TSHZ2: variants seen among roughly 807,000 people sequenced by gnomAD.
TSHZ2 encodes teashirt zinc finger homeobox 2, also known as teashirt homolog 2.
Under a neutral mutation model 74.4 loss-of-function variants are expected in TSHZ2, and 21 were observed. That is an observed-to-expected ratio of 0.28 (90% CI 0.20 to 0.41). The LOEUF is 0.41. Ranked by LOEUF, TSHZ2 falls within the 10% of genes least tolerant of loss-of-function variation. The pLI is 1.00. For synonymous variants in TSHZ2, 540 were observed against 515.3 expected, an observed-to-expected ratio of 1.05 and a Z score of -0.65; for missense variants, 1,244 against 1,293.5, an observed-to-expected ratio of 0.96 and a Z score of 0.59.
chr20:53,091,923 G>C (rs538430222), intron 1 of TSHZ2, among the ~76,000 whole-genome samples: 1 of 152,284 alleles, frequency 6.6e-6, no homozygotes, highest in African/African-American at 2.4e-5. Flanking sequence ...GTACCCGCCT[G>C]TTGTACCAGC....
At chr20:52,998,022 G>A (rs964760403) in intron 1 of TSHZ2, among the ~76,000 whole-genome samples, 2 of 152,094 alleles carry the variant, frequency 1.3e-5, no homozygotes, top group African/African-American at 4.8e-5. Context: ...AGGATGCTCA[G>A]GGGGGGATTC....
At chr20:53,468,117 G>GAGA (rs1437747411) in intron 2 of TSHZ2, among the ~76,000 whole-genome samples, 1 of 152,144 alleles carries the variant, frequency 6.6e-6, no homozygotes, top group Non-Finnish European at 1.5e-5. Flanking sequence ...GCATCATACT[G>GAGA]AGAAGAGATT....
At chr20:52,982,874 C>G (rs1421100652) in intron 1 of TSHZ2, among the ~76,000 whole-genome samples, 1 of 151,988 alleles carries the variant, frequency 6.6e-6, no homozygotes, top group East Asian at 1.9e-4. Context: ...GAGAAGCAGT[C>G]CAGGCAGAGG....
chr20:53,472,312 C>G (rs567903501), intron 2 of TSHZ2, among the ~76,000 whole-genome samples: 1 of 152,084 alleles, frequency 6.6e-6, no homozygotes, highest in Non-Finnish European at 1.5e-5. Flanking sequence ...AAATACAGTT[C>G]GGGAGGATTT....
At chr20:53,001,222 G>GTGTGTA (rs1982413548) in intron 1 of TSHZ2, among the ~76,000 whole-genome samples, 1 of 147,268 alleles carries the variant, frequency 6.8e-6, no homozygotes, top group Non-Finnish European at 1.5e-5. Context: ...GTGTGTGTGT[G>GTGTGTA]TGTGTGTGTG....
chr20:53,051,938 C>G (rs112026052), intron 1 of TSHZ2, among the ~76,000 whole-genome samples: 21 of 152,186 alleles, frequency 1.4e-4, no homozygotes, highest in African/African-American at 5.1e-4. Flanking sequence ...AGATAATATG[C>G]CCATTACCTT....
rs577502661 is a variant in TSHZ2, at chr20:53,406,019, A to T, written c.*9-81125A>T. 2.5e-3 allele frequency among the ~76,000 whole-genome samples: 377 copies of T among 151,978 alleles called. 2 individuals are homozygous for T. The highest frequency in any genetic ancestry group is 8.2e-3 in the African/African-American group (341 of 41,416). On this transcript the variant is annotated intron_variant, in intron 2 of 2. Coordinates refer to ENST00000371497, the MANE Select transcript of TSHZ2 (RefSeq NM_173485.6). ...CTCAAAAAAATAAATACTTTTTTTT[A>T]AAAAAAAGAAAATAAATAGTGGTGA...
At chr20:53,315,068 A>G (rs570062084) in intron 2 of TSHZ2, among the ~76,000 whole-genome samples, 177 of 152,374 alleles carry the variant, frequency 1.2e-3, no homozygotes, top group Non-Finnish European at 2.1e-3. Flanking sequence ...GATTCAAAAA[A>G]AGGAGATGCA....
At chr20:53,293,088 G>A (rs10154002) in intron 2 of TSHZ2, among the ~76,000 whole-genome samples, 30,274 of 152,162 alleles carry the variant, frequency 0.2, 3,403 homozygotes, top group Non-Finnish European at 0.25. Context: ...ACCACCATTA[G>A]CACAAAGGCC....
chr20:53,040,503 G>A (rs1264115335), intron 1 of TSHZ2, among the ~76,000 whole-genome samples: 1 of 152,156 alleles, frequency 6.6e-6, no homozygotes, highest in Non-Finnish European at 1.5e-5. Context: ...TACACAACTT[G>A]AGAGCAGAGA....
chr20:53,018,553 T>C (rs966158583), intron 1 of TSHZ2, among the ~76,000 whole-genome samples: 1 of 152,184 alleles, frequency 6.6e-6, no homozygotes, highest in African/African-American at 2.4e-5. Context: ...ATTTTGTAAC[T>C]AGCATTGAAT....
rs551450797 is a variant in TSHZ2 at position 53,127,402 on chromosome 20, G to A, written c.41-126097G>A. Among the ~76,000 whole-genome samples, 22 of 152,306 alleles carry A rather than the reference G, an allele frequency of 1.4e-4. No individual in the cohort carries two copies. The South Asian group carries it at 4.4e-3, about 30-fold the overall frequency. ...ATAAAAACATTGTAACAAGGGAGAG[G>A]ATAACTAGAAAGAAGCTATGGCTGG... On this transcript the variant is annotated intron_variant, in intron 1 of 2. Transcript: ENST00000371497.
At chr20:53,323,572 T>A (rs1979367155) in intron 2 of TSHZ2, among the ~76,000 whole-genome samples, 1 of 117,052 alleles carries the variant, frequency 8.5e-6, no homozygotes, top group Admixed American at 8.6e-5. Context: ...GCTTTTTTTT[T>A]TTTTTTTTTT....
chr20:53,440,861 C>T (rs1404616555), intron 2 of TSHZ2, among the ~76,000 whole-genome samples: 1 of 152,244 alleles, frequency 6.6e-6, no homozygotes, highest in Non-Finnish European at 1.5e-5. Context: ...TGGGAAAAAA[C>T]AAGACCAGCA....
intron 2 of TSHZ2, among the ~76,000 whole-genome samples, chr20:53,284,029 A>C (rs1321521378): frequency 6.6e-6 from 1 of 152,216 alleles, no homozygotes; most frequent in East Asian, 1.9e-4. Flanking sequence ...AAAAACGGGT[A>C]CAGTAATTCC....
At chr20:53,201,016 ATTTT>A (rs199964279) in intron 1 of TSHZ2, among the ~76,000 whole-genome samples, 7 of 149,304 alleles carry the variant, frequency 4.7e-5, no homozygotes, top group Non-Finnish European at 1.0e-4. Flanking sequence ...TTTTCCATTA[ATTTT>A]TTTTTTTAAG....
chr20:53,114,545 A>C (rs926338211), intron 1 of TSHZ2, among the ~76,000 whole-genome samples: 2 of 152,194 alleles, frequency 1.3e-5, no homozygotes, highest in African/African-American at 4.8e-5. Context: ...AGTCTGGTCA[A>C]ATTACATGTG....
At chr20:53,472,033 G>A (rs1050371017) in intron 2 of TSHZ2, among the ~76,000 whole-genome samples, 9 of 152,036 alleles carry the variant, frequency 5.9e-5, no homozygotes, top group Admixed American at 2.0e-4. Flanking sequence ...TCAAACTCCC[G>A]ATGTCAGGTG....
chr20:53,342,237 CCA>C (rs1332439347), intron 2 of TSHZ2, among the ~76,000 whole-genome samples: 1 of 151,330 alleles, frequency 6.6e-6, no homozygotes, highest in Non-Finnish European at 1.5e-5. Context: ...ACTCGGAATA[CCA>C]CAACACATCT....
Sources: gnomAD v4.1 joint callset for allele counts (sites outside exome capture counted in the v4.1 genomes callset) on GRCh38, gnomAD v4.1.1 for gene constraint, MANE v1.5 for transcripts, NCBI Gene and HGNC (gene_info 2026-07-23, HGNC 2026-07-21) for gene names.